Variants in IQCK observed in about 807,000 individuals in gnomAD.
IQCK encodes IQ domain-containing protein K.
A neutral mutation model predicts 28.1 loss-of-function variants in IQCK; 29 were observed. That is an observed-to-expected ratio of 1.03 (90% CI 0.77 to 1.41). The LOEUF is 1.41. Ranked by LOEUF, IQCK falls within the 40% of genes most tolerant of loss-of-function variation. IQCK has a pLI of 0.00. For missense variants in IQCK, 359 were observed against 314.7 expected (o/e 1.14, Z -1.07); for synonymous variants, 113 against 115.1 (o/e 0.98, Z 0.12).
intron 1 of IQCK, among the ~76,000 whole-genome samples, chr16:19,723,852 C>G (rs749147613): frequency 6.6e-6 from 1 of 151,804 alleles, no homozygotes; most frequent in Non-Finnish European, 1.5e-5. Context: ...CCCAGCTACT[C>G]AGGAGGCTGA....
rs1367781622 is a variant in IQCK at position 19,800,917 on chromosome 16, G to GT, written c.690+12001dup. ...GAAACCTATATTCCACCATGATAAT[G>GT]TTTTTTACTCTTTTCTTCTTTAGTT... On this transcript the variant is annotated intron_variant, in intron 7 of 7. Transcript: ENST00000564186. 2.6e-5 allele frequency among the ~76,000 whole-genome samples: 3 copies of GT among 115,188 alleles called. 1 individual carries two copies. The highest frequency in any genetic ancestry group is 4.6e-5 in the Non-Finnish European group (3 of 64,788). 75.6% of individuals were successfully genotyped at this position (115,188 alleles called of 152,430 possible). A position where few individuals can be genotyped will look rare whatever the true frequency, so the allele number is the denominator to read the frequency against.
chr16:19,745,690 A>G (rs1158430976), intron 4 of IQCK, among the ~76,000 whole-genome samples: 3 of 152,196 alleles, frequency 2.0e-5, no homozygotes, highest in Non-Finnish European at 4.4e-5. Context: ...ATGGCTTAAA[A>G]TAACGATTTA....
rs191528521 is a variant in IQCK, at chr16:19,857,829, A to C, written c.*1281A>C. On this transcript the variant is annotated 3_prime_UTR_variant, in exon 10 of 10. Coordinates refer to the IQCK transcript ENST00000320394. ...TCTGGAATCCCTGGAGATGCACAGA[A>C]CTTCCCAGTTTGTAAGCTGTCAGAG... 4 of 154,528 alleles carry C rather than the reference A, an allele frequency of 2.6e-5. No homozygotes were observed. In the East Asian group the frequency reaches 7.6e-4, roughly 29 times the overall value. The allele number at this position is 154,528 out of a possible 1,614,324, so 9.6% of individuals were successfully genotyped here.
At chr16:19,843,257 A>G (rs1197294659) in intron 9 of IQCK, among the ~76,000 whole-genome samples, 2 of 152,174 alleles carry the variant, frequency 1.3e-5, no homozygotes, top group African/African-American at 4.8e-5. Flanking sequence ...GGCTTTTAGT[A>G]TATCACAGAT....
intron 6 of IQCK, among the ~76,000 whole-genome samples, chr16:19,785,597 T>G (rs528341048): frequency 2.0e-5 from 3 of 152,334 alleles, no homozygotes; most frequent in African/African-American, 7.2e-5. Flanking sequence ...TCAGACTGAT[T>G]GCGGGCCGAG....
At chr16:19,837,053 GATA>G (rs1400997764) in intron 9 of IQCK, among the ~76,000 whole-genome samples, 8 of 152,100 alleles carry the variant, frequency 5.3e-5, no homozygotes, top group Admixed American at 2.0e-4. Context: ...ATCAATAAAT[GATA>G]ATTATTATTA....
At chr16:19,810,747 A>G (rs1001676888) in intron 7 of IQCK, among the ~76,000 whole-genome samples, 2 of 151,542 alleles carry the variant, frequency 1.3e-5, no homozygotes, top group Non-Finnish European at 2.9e-5. Context: ...CGGAAGTTGT[A>G]GTGAGCCAAG....
At chr16:19,840,737 A>G (rs954228553) in intron 9 of IQCK, among the ~76,000 whole-genome samples, 1 of 152,206 alleles carries the variant, frequency 6.6e-6, no homozygotes, top group African/African-American at 2.4e-5. Context: ...CAGCAAAAAC[A>G]TAGCAGAACC....
chr16:19,750,109 T>G (rs1054914429), intron 4 of IQCK, among the ~76,000 whole-genome samples: 1 of 152,116 alleles, frequency 6.6e-6, no homozygotes, highest in Non-Finnish European at 1.5e-5. Context: ...TAGTAATTGC[T>G]TCAGATAAGG....
chr16:19,763,400 A>C (rs2055178420), intron 4 of IQCK, among the ~76,000 whole-genome samples: 1 of 152,102 alleles, frequency 6.6e-6, no homozygotes, highest in Non-Finnish European at 1.5e-5. Context: ...GAGGTGGCAG[A>C]GGTGGAAGGG....
intron 9 of IQCK, among the ~76,000 whole-genome samples, chr16:19,854,595 G>T (rs1327291210): frequency 6.6e-6 from 1 of 152,216 alleles, no homozygotes; most frequent in African/African-American, 2.4e-5. Flanking sequence ...CTGAAGTTAT[G>T]CCTGATGCTG....
chr16:19,813,741 T>C (rs1475659220), intron 7 of IQCK, among the ~76,000 whole-genome samples: 1 of 152,034 alleles, frequency 6.6e-6, no homozygotes, highest in Non-Finnish European at 1.5e-5. Flanking sequence ...TATTAACCAA[T>C]AGGAAATAAA....
chr16:19,847,152 T>A (rs1179161267), intron 9 of IQCK, among the ~76,000 whole-genome samples: 5 of 152,182 alleles, frequency 3.3e-5, no homozygotes, highest in African/African-American at 9.7e-5. Flanking sequence ...TATGAGATAA[T>A]TAAGGTAGGT....
chr16:19,792,648 T>G (rs2055631890), intron 7 of IQCK, among the ~76,000 whole-genome samples: 1 of 99,638 alleles, frequency 1.0e-5, no homozygotes. Context: ...CTCAGCTCAC[T>G]GCAACCTCCA....
At chr16:19,785,253 G>A (rs967049912) in intron 6 of IQCK, among the ~76,000 whole-genome samples, 1 of 152,186 alleles carries the variant, frequency 6.6e-6, no homozygotes, top group South Asian at 2.1e-4. Context: ...CCCTTTGGCC[G>A]ATCTGCTGGG....
intron 1 of IQCK, among the ~76,000 whole-genome samples, chr16:19,729,046 A>G (rs547635471): frequency 3.9e-5 from 6 of 152,356 alleles, no homozygotes; most frequent in South Asian, 4.1e-4. Context: ...TCTTTGCTTT[A>G]GGGATATAAC....
At chr16:19,850,517 T>G (rs2056469265) in intron 9 of IQCK, among the ~76,000 whole-genome samples, 1 of 152,120 alleles carries the variant, frequency 6.6e-6, no homozygotes, top group African/African-American at 2.4e-5. Context: ...TATTGCTGAT[T>G]TGGGAGCGTG....
In IQCK at chr16:19,821,744, C is replaced by G. The variant is rs189430849; in HGVS notation, c.691-5282C>G. Among the ~76,000 whole-genome samples the G allele has an allele frequency of 7.2e-4, 110 of 152,200 alleles. 1 individual carries two copies. The highest frequency in any genetic ancestry group is 1.0e-4 in the Non-Finnish European group (7 of 68,016). The stretch of plus-strand genomic sequence containing the variant: ...TCATACACAAATGTTCATAGCAACC[C>G]TGTTCCCAATAGCCAAAAGGTAGGA... On this transcript the variant is annotated intron_variant, in intron 7 of 7. Coordinates refer to ENST00000564186, the Ensembl canonical transcript of IQCK.
chr16:19,840,230 C>T (rs1355920378), intron 9 of IQCK, among the ~76,000 whole-genome samples: 2 of 152,038 alleles, frequency 1.3e-5, no homozygotes, highest in Non-Finnish European at 2.9e-5. Context: ...GTGGCAGGCA[C>T]CTGTAATCTC....
Sources: gnomAD v4.1 joint callset for allele counts (sites outside exome capture counted in the v4.1 genomes callset) on GRCh38, gnomAD v4.1.1 for gene constraint, MANE v1.5 for transcripts, NCBI Gene and HGNC (gene_info 2026-07-23, HGNC 2026-07-21) for gene names.